PSMD9: variants seen among roughly 807,000 people sequenced by gnomAD.
PSMD9 encodes 26S proteasome non-ATPase regulatory subunit 9.
Under a neutral mutation model 25.9 loss-of-function variants are expected in PSMD9, and 26 were observed. That is an observed-to-expected ratio of 1.00 (90% CI 0.73 to 1.39). PSMD9 has a LOEUF of 1.39. Among genes scored for constraint, PSMD9 ranks in the 40% most tolerant of loss-of-function variants. The probability of loss-of-function intolerance (pLI) is 0.00; values close to 1 mark genes in which losing one functional copy is unlikely to be tolerated. For synonymous variants in PSMD9, 110 were observed against 114.5 expected (o/e 0.96, Z 0.25); for missense variants, 303 against 299.3 (o/e 1.01, Z -0.09).
chr12:121,894,536 TTAAAAA>T, intron 1 of PSMD9, 197 bp from the exon 2 acceptor site: 1 of 550,634 alleles, frequency 1.8e-6, no homozygotes, highest in Non-Finnish European at 3.3e-6. Context: ...ACTTGCGTCG[TTAAAAA>T]TAAAAAATGA....
chr12:121,888,995 G>C lies in PSMD9; in HGVS notation c.138+1G>C, dbSNP rs749827420. ...GGCCAACTATGACGTGCTGGAAAGCGTGAGTGTGGGTTCGGGGCGCCCCAA... is the reference window on the plus strand; with the variant it reads ...GGCCAACTATGACGTGCTGGAAAGCCTGAGTGTGGGTTCGGGGCGCCCCAA... On this transcript the variant is annotated splice_donor_variant, in intron 1 of 5. Coordinates refer to ENST00000541212, the MANE Select transcript of PSMD9 (RefSeq NM_002813.7). LOFTEE classifies it high-confidence loss of function. The C allele has an allele frequency of 6.3e-7, 1 of 1,582,356 alleles. No individual in the cohort carries two copies. Among genetic ancestry groups the C allele is most frequent in the Non-Finnish European group, 8.6e-7 (1 of 1,164,424 alleles).
In PSMD9 at chr12:121,916,283, G is replaced by C; in HGVS notation, c.645-1G>C. The C allele has an allele frequency of 1.9e-6, 3 of 1,614,162 alleles. No homozygotes were observed. Among genetic ancestry groups the C allele is most frequent in the Non-Finnish European group, 2.5e-6 (3 of 1,180,010 alleles). ...GCCATTCCTTTTCTTCTTTCTTCCA[G>C]CTGCAACATTATTCCTCTGCAAAGA... On this transcript the variant is annotated splice_acceptor_variant, in intron 5 of 5. Coordinates refer to ENST00000541212, the MANE Select transcript of PSMD9 (RefSeq NM_002813.7). LOFTEE classifies it high-confidence loss of function.
At chr12:121,889,114 G>T in intron 1 of PSMD9, 120 bp downstream of exon 1, 1 of 1,305,166 alleles carries the variant, frequency 7.7e-7, no homozygotes, top group South Asian at 1.5e-5. Context: ...GGAGGCCCAA[G>T]GCGCCGCAAG....
At chr12:121,912,006 C>CTTATTTAT (rs71453586) in intron 4 of PSMD9, among the ~76,000 whole-genome samples, 3,712 of 136,568 alleles carry the variant, frequency 0.027, 104 homozygotes, top group African/African-American at 0.06. Flanking sequence ...AATGAGCTTG[C>CTTATTTAT]TTATTTATTT....
chr12:121,900,324 C>T (rs1043167891), intron 3 of PSMD9, among the ~76,000 whole-genome samples: 14 of 152,126 alleles, frequency 9.2e-5, no homozygotes, highest in Admixed American at 5.9e-4. Flanking sequence ...CTCAGGAAGT[C>T]GAAGTTGCAG....
chr12:121,899,615 T>A lies in PSMD9; in HGVS notation c.242-19T>A, dbSNP rs766578757. The A allele has an allele frequency of 6.3e-7, 1 of 1,579,198 alleles. No homozygotes were observed. The highest frequency in any genetic ancestry group is 1.1e-5 in the South Asian group (1 of 87,030). On this transcript the variant is annotated intron_variant, in intron 2 of 5. Coordinates refer to ENST00000541212, the MANE Select transcript of PSMD9 (RefSeq NM_002813.7). ...CTCCACTGTCTTCCTTGGCCCCTGATGTGTGGTTCTCATCCCAGGCCTGCA... is the reference window on the plus strand; with the variant it reads ...CTCCACTGTCTTCCTTGGCCCCTGAAGTGTGGTTCTCATCCCAGGCCTGCA...
In PSMD9 at chr12:121,916,879, G is replaced by A. The variant is rs1217052913; in HGVS notation, c.*568G>A. The A allele has an allele frequency of 6.5e-6, 1 of 152,878 alleles. No individual in the cohort carries two copies. The highest frequency in any genetic ancestry group is 1.5e-5 in the Non-Finnish European group (1 of 68,508). The allele number at this position is 152,878 out of a possible 1,614,324, so 9.5% of individuals were successfully genotyped here. A position where few individuals can be genotyped will look rare whatever the true frequency, so the allele number is the denominator to read the frequency against. ...CATAGTAGCTCCCTTTGGAGAACAGGGAAAGCCTGGAGGCTTCCCAGGTGG... is the reference window on the plus strand; with the variant it reads ...CATAGTAGCTCCCTTTGGAGAACAGAGAAAGCCTGGAGGCTTCCCAGGTGG... On this transcript the variant is annotated 3_prime_UTR_variant, in exon 6 of 6. Transcript: ENST00000541212.
intron 1 of PSMD9, among the ~76,000 whole-genome samples, chr12:121,889,344 A>G (rs1012633470): frequency 6.6e-6 from 1 of 152,182 alleles, no homozygotes; most frequent in Non-Finnish European, 1.5e-5. Context: ...TTACTTGGTG[A>G]TTAAACAGCT....
intron 4 of PSMD9, 24 bp from the exon 5 acceptor site, chr12:121,915,832 G>A (rs771788338): frequency 4.4e-6 from 7 of 1,595,724 alleles, no homozygotes; most frequent in South Asian, 2.2e-5. Context: ...GGCTGAACAC[G>A]AAATGAGCTT....
chr12:121,889,061 C>T (rs971311201), intron 1 of PSMD9, 67 bp downstream of exon 1: 3 of 1,520,628 alleles, frequency 2.0e-6, no homozygotes, highest in Non-Finnish European at 2.7e-6. Flanking sequence ...TACTGGGATG[C>T]CAGGGCGGCC....
At chr12:121,913,255 AT>A (rs1272065096) in intron 4 of PSMD9, among the ~76,000 whole-genome samples, 1 of 143,106 alleles carries the variant, frequency 7.0e-6, no homozygotes, top group Non-Finnish European at 1.5e-5. Flanking sequence ...TTTTTTTTGT[AT>A]TTTTAGTAGA....
Position 121,901,607 on chromosome 12 carries a change from G to A in PSMD9, c.454-1399G>A, listed in dbSNP as rs1187035074. On this transcript the variant is annotated intron_variant, in intron 3 of 5. Coordinates refer to ENST00000541212, the MANE Select transcript of PSMD9 (RefSeq NM_002813.7). Reference sequence around the variant, plus strand: ...TGGCCTCAAGCGATCCTTCTTCCTCGGCCTCCCAAAGTGCTAGAATTACAG... The same window carrying A: ...TGGCCTCAAGCGATCCTTCTTCCTCAGCCTCCCAAAGTGCTAGAATTACAG... Among the ~76,000 whole-genome samples, 5 of 150,320 alleles carry A rather than the reference G, an allele frequency of 3.3e-5. 1 individual carries two copies. The highest frequency in any genetic ancestry group is 2.7e-4 in the Admixed American group (4 of 15,086).
At chr12:121,902,546 G>A (rs74421874) in intron 3 of PSMD9, 42,293 of 166,040 alleles carry the variant, frequency 0.25, 6,649 homozygotes, top group East Asian at 0.51. Flanking sequence ...GAACAAGAGC[G>A]TCACTCTAGT....
intron 3 of PSMD9, among the ~76,000 whole-genome samples, chr12:121,900,248 C>T (rs151132936): frequency 3.3e-5 from 5 of 152,240 alleles, no homozygotes; most frequent in Non-Finnish European, 7.4e-5. Context: ...GTGGCTCATG[C>T]GTGTAATCCC....
intron 4 of PSMD9, among the ~76,000 whole-genome samples, chr12:121,903,488 G>A (rs941190244): frequency 2.0e-5 from 3 of 152,076 alleles, no homozygotes; most frequent in Non-Finnish European, 2.9e-5. Flanking sequence ...CATAGCACTC[G>A]GCCTCTGGTC....
In PSMD9 at chr12:121,915,935, G is replaced by T. The variant is rs201207198; in HGVS notation, c.635G>T (p.Gly212Val). The T allele has an allele frequency of 2.4e-5, 39 of 1,613,518 alleles. No individual in the cohort carries two copies. The highest frequency in any genetic ancestry group is 5.3e-5 in the African/African-American group (4 of 74,926). Residue 212 changes from glycine to valine, a missense_variant, in exon 5 of 6, where the codon GGA becomes GTA. Gly to Val is a moderately radical substitution (Grantham distance 109, BLOSUM62 -3). Transcript: ENST00000541212. Reference sequence around the variant, plus strand: ...GTTCCAACACGCTGGGCAGGAAAAGGACTGCTGGGGTAAAGTATCTGTTTC... The same window carrying T: ...GTTCCAACACGCTGGGCAGGAAAAGTACTGCTGGGGTAAAGTATCTGTTTC... ...RLVPTRWAGK[G>V]LLGCNIIPLQ...
At chr12:121,911,740 C>T (rs957356407) in intron 4 of PSMD9, among the ~76,000 whole-genome samples, 14 of 150,700 alleles carry the variant, frequency 9.3e-5, no homozygotes, top group African/African-American at 2.9e-4. Flanking sequence ...CTGCAACCTC[C>T]GCCTCCCAGG....
chr12:121,895,052 CT>C (rs924593936), intron 2 of PSMD9, among the ~76,000 whole-genome samples: 144 of 148,468 alleles, frequency 9.7e-4, no homozygotes, highest in African/African-American at 2.9e-3. Context: ...CTCTCTCTCT[CT>C]TTTTTTTTTG....
chr12:121,888,877 G>T lies in PSMD9; in HGVS notation c.21G>T (p.Arg7Ser). Reference protein sequence around the residue: MSDEEARQSGGSSQAGV... With the variant: MSDEEASQSGGSSQAGV... ...TCACGATGTCCGACGAGGAAGCGAG[G>T]CAGAGCGGAGGCTCCTCGCAGGCCG... The change falls in exon 1 of 6, where the codon AGG becomes AGT. Residue 7 changes from arginine to serine, a missense_variant. By Grantham distance (110) the Arg-to-Ser change is moderately radical. Coordinates refer to ENST00000541212, the MANE Select transcript of PSMD9 (RefSeq NM_002813.7). 6.2e-7 allele frequency: 1 copy of T among 1,603,992 alleles called. No individual in the cohort carries two copies. The highest frequency in any genetic ancestry group is 8.5e-7 in the Non-Finnish European group (1 of 1,176,206).
Sources: allele counts gnomAD v4.1 joint callset (sites outside exome capture counted in the v4.1 genomes callset), GRCh38; gene constraint gnomAD v4.1.1; transcripts MANE v1.5; gene names NCBI Gene and HGNC (gene_info 2026-07-23, HGNC 2026-07-21).